The following CNTNAP2 variants were observed in gnomAD, a reference collection of about 807,000 sequenced individuals.
CNTNAP2 encodes the protein contactin associated protein 2.
Under a neutral mutation model 155.2 loss-of-function variants are expected in CNTNAP2, and 98 were observed. That is an observed-to-expected ratio of 0.63 (90% confidence interval 0.54 to 0.75). The LOEUF (loss-of-function observed/expected upper bound fraction) is 0.75. CNTNAP2 is among the 30% of genes least tolerant of loss of function. The pLI is 0.00. For synonymous variants in CNTNAP2, 651 were observed against 631.2 expected (o/e 1.03, Z -0.47); for missense variants, 1,727 against 1,688.1 (o/e 1.02, Z -0.40).
chr7:146,432,307 A>G (rs554294757), intron 1 of CNTNAP2, among the ~76,000 whole-genome samples: 1 of 152,144 alleles, frequency 6.6e-6, no homozygotes. Context: ...ATGTATTATT[A>G]TCTTGAGTCA....
intron 8 of CNTNAP2, among the ~76,000 whole-genome samples, chr7:147,280,054 C>G (rs927818739): frequency 1.3e-5 from 2 of 151,848 alleles, no homozygotes; most frequent in Non-Finnish European, 2.9e-5. Context: ...TTGTATAGTA[C>G]AAATGATGTT....
At chr7:147,382,309 G>A (rs1796549973) in intron 9 of CNTNAP2, among the ~76,000 whole-genome samples, 1 of 152,080 alleles carries the variant, frequency 6.6e-6, no homozygotes, top group Non-Finnish European at 1.5e-5. Flanking sequence ...AATTGGAAGT[G>A]GACAGTAGAA....
At chr7:146,146,103 T>G (rs993357219) in intron 1 of CNTNAP2, among the ~76,000 whole-genome samples, 6 of 152,136 alleles carry the variant, frequency 3.9e-5, no homozygotes, top group Non-Finnish European at 5.9e-5. Flanking sequence ...CCCCAATCAG[T>G]TGAAAGAAAT....
intron 3 of CNTNAP2, among the ~76,000 whole-genome samples, chr7:146,989,111 T>C (rs972353251): frequency 6.6e-6 from 1 of 152,166 alleles, no homozygotes; most frequent in Non-Finnish European, 1.5e-5. Flanking sequence ...TTGATTCTGT[T>C]ACTGATTGGG....
chr7:147,542,298 T>A, intron 11 of CNTNAP2, among the ~76,000 whole-genome samples: 1 of 107,884 alleles, frequency 9.3e-6, no homozygotes, highest in African/African-American at 3.5e-5. Flanking sequence ...GATTGTTCAG[T>A]GGTAAAAAAA....
At chr7:146,158,940 C>T (rs956376328) in intron 1 of CNTNAP2, among the ~76,000 whole-genome samples, 2 of 152,106 alleles carry the variant, frequency 1.3e-5, no homozygotes, top group East Asian at 3.9e-4. Flanking sequence ...ACATAATTGT[C>T]AGATTCACCA....
intron 3 of CNTNAP2, among the ~76,000 whole-genome samples, chr7:146,858,832 C>A (rs1164558621): frequency 2.0e-5 from 3 of 152,042 alleles, no homozygotes; most frequent in African/African-American, 7.2e-5. Context: ...ATTTAATATT[C>A]TTCTCCTTTA....
intron 13 of CNTNAP2, among the ~76,000 whole-genome samples, chr7:147,762,143 TC>T (rs1797310945): frequency 7.4e-6 from 1 of 134,590 alleles, no homozygotes; most frequent in African/African-American, 3.3e-5. Flanking sequence ...TCTCTCTCTC[TC>T]TCTCTCTGTC....
chr7:147,198,052 G>A (rs1802841466), intron 8 of CNTNAP2, among the ~76,000 whole-genome samples: 1 of 151,862 alleles, frequency 6.6e-6, no homozygotes, highest in Non-Finnish European at 1.5e-5. Context: ...CATGCCTAAA[G>A]ACAAATGAAA....
At position 147,057,901 on chromosome 7, in the gene CNTNAP2, A is replaced by G. The variant is rs10246785; in HGVS notation, c.550+13847A>G. Among the ~76,000 whole-genome samples the G allele has an allele frequency of 1.3e-3, 202 of 152,294 alleles. 1 individual carries two copies. The highest frequency in any genetic ancestry group is 4.7e-3 in the African/African-American group (194 of 41,564). ...TGATAAGGACAATATTTATGGTGTTAAAGTATGCCTACATATATAGATCTC... is the reference window on the plus strand; with the variant it reads ...TGATAAGGACAATATTTATGGTGTTGAAGTATGCCTACATATATAGATCTC... On this transcript the variant is annotated intron_variant, in intron 4 of 23. Transcript: ENST00000361727.
At chr7:146,794,460 G>A (rs1802732326) in intron 2 of CNTNAP2, among the ~76,000 whole-genome samples, 1 of 152,046 alleles carries the variant, frequency 6.6e-6, no homozygotes, top group Non-Finnish European at 1.5e-5. Context: ...AAAAATCATT[G>A]AATTATTTCT....
chr7:147,766,099 A>G (rs1346452935), intron 13 of CNTNAP2, among the ~76,000 whole-genome samples: 2 of 152,202 alleles, frequency 1.3e-5, no homozygotes, highest in East Asian at 3.9e-4. Flanking sequence ...AAAGAGGCAC[A>G]GGAAGTTTTT....
intron 1 of CNTNAP2, among the ~76,000 whole-genome samples, chr7:146,553,362 TA>T (rs1440551687): frequency 6.6e-6 from 1 of 152,028 alleles, no homozygotes; most frequent in African/African-American, 2.4e-5. Context: ...AATATCAAAT[TA>T]AAAGTACTGA....
chr7:148,023,429 T>G (rs1052116153), intron 15 of CNTNAP2, among the ~76,000 whole-genome samples: 7 of 152,236 alleles, frequency 4.6e-5, no homozygotes, highest in African/African-American at 1.7e-4. Flanking sequence ...GTTGTTTTGT[T>G]ATAATGAATC....
chr7:147,163,484 T>C (rs936809636), intron 8 of CNTNAP2, among the ~76,000 whole-genome samples: 1 of 152,182 alleles, frequency 6.6e-6, no homozygotes, highest in South Asian at 2.1e-4. Context: ...TTACCCAATT[T>C]CTCCTTCTAA....
chr7:147,106,612 A>G (rs1246155038), intron 4 of CNTNAP2, among the ~76,000 whole-genome samples: 2 of 152,172 alleles, frequency 1.3e-5, no homozygotes, highest in Non-Finnish European at 2.9e-5. Context: ...ATAACATTGT[A>G]CAAACTTATT....
intron 1 of CNTNAP2, among the ~76,000 whole-genome samples, chr7:146,666,384 T>G (rs1800195803): frequency 6.6e-6 from 1 of 152,206 alleles, no homozygotes; most frequent in South Asian, 2.1e-4. Context: ...CACATTTTCT[T>G]TATCCATTCT....
At chr7:147,150,967 T>G (rs1345832820) in intron 8 of CNTNAP2, among the ~76,000 whole-genome samples, 4 of 152,126 alleles carry the variant, frequency 2.6e-5, no homozygotes, top group Admixed American at 6.6e-5. Flanking sequence ...AACAGAAAGC[T>G]CAGAACTAAC....
rs138485165 is a variant in CNTNAP2, at chr7:147,791,547, C to T, written c.2099-112018C>T. 1.1e-4 allele frequency among the ~76,000 whole-genome samples: 16 copies of T among 148,054 alleles called. No individual in the cohort carries two copies. In the East Asian group the frequency reaches 1.4e-3, roughly 13 times the overall value. On this transcript the variant is annotated intron_variant, in intron 13 of 23. Coordinates refer to ENST00000361727, the MANE Select transcript of CNTNAP2 (RefSeq NM_014141.6). ...TCATCACTGAATAAGGGAACTAATT[C>T]GGTTATGAAGATAAAAACCAGCTAT... is the stretch of plus-strand genomic sequence containing the variant.
Sources: allele counts gnomAD v4.1 joint callset (sites outside exome capture counted in the v4.1 genomes callset), GRCh38; gene constraint gnomAD v4.1.1; transcripts MANE v1.5; gene names NCBI Gene and HGNC (gene_info 2026-07-23, HGNC 2026-07-21).